TMEM132C: variants seen among roughly 807,000 people sequenced by gnomAD.
TMEM132C encodes protein phosphatase 1, regulatory subunit 152.
In TMEM132C, 29 loss-of-function variants were observed where a neutral mutation model predicts 61.4. The observed-to-expected ratio is 0.47, with a 90% CI of 0.35 to 0.64. The LOEUF is 0.64. Among genes scored for constraint, TMEM132C ranks in the 30% least tolerant of loss-of-function variants. The pLI is 0.00. For missense variants in TMEM132C, 1,408 were observed against 1,476.9 expected, an observed-to-expected ratio of 0.95 and a Z score of 0.76; for synonymous variants, 656 against 633.1, an observed-to-expected ratio of 1.04 and a Z score of -0.54.
chr12:128,616,607 G>A (rs368678286), intron 4 of TMEM132C, among the ~76,000 whole-genome samples: 8 of 152,204 alleles, frequency 5.3e-5, no homozygotes, highest in African/African-American at 9.6e-5. Context: ...TGATTTCAGT[G>A]TGCAGCCAGG....
chr12:128,420,476 G>A (rs961150362), intron 2 of TMEM132C, among the ~76,000 whole-genome samples: 5 of 152,188 alleles, frequency 3.3e-5, no homozygotes, highest in African/African-American at 9.7e-5. Flanking sequence ...AGGGGGAGGC[G>A]AGCTCAGAGG....
At chr12:128,315,449 G>A (rs1018278795) in intron 1 of TMEM132C, among the ~76,000 whole-genome samples, 33 of 152,124 alleles carry the variant, frequency 2.2e-4, no homozygotes, top group African/African-American at 5.8e-4. Flanking sequence ...GAAGAAAACC[G>A]CGCCATTTCA....
intron 5 of TMEM132C, among the ~76,000 whole-genome samples, chr12:128,688,109 C>T (rs1266983409): frequency 1.3e-5 from 2 of 152,224 alleles, no homozygotes; most frequent in East Asian, 3.9e-4. Context: ...ACTACTGGCC[C>T]CTTGCCACGG....
At chr12:128,484,055 A>G (rs917162541) in intron 2 of TMEM132C, among the ~76,000 whole-genome samples, 4 of 152,172 alleles carry the variant, frequency 2.6e-5, no homozygotes, top group African/African-American at 9.7e-5. Flanking sequence ...AGTAGCTTAG[A>G]CTGAAGAGCA....
At chr12:128,635,288 A>G (rs1173968489) in intron 4 of TMEM132C, among the ~76,000 whole-genome samples, 1 of 152,228 alleles carries the variant, frequency 6.6e-6, no homozygotes, top group Non-Finnish European at 1.5e-5. Flanking sequence ...TGCAGAAATC[A>G]CCAAAGCCGA....
intron 3 of TMEM132C, among the ~76,000 whole-genome samples, chr12:128,582,483 C>T (rs1875377471): frequency 1.3e-5 from 2 of 151,134 alleles, no homozygotes; most frequent in African/African-American, 4.9e-5. Context: ...CTCTGTGTCC[C>T]CACCCAAATC....
intron 2 of TMEM132C, among the ~76,000 whole-genome samples, chr12:128,481,044 T>C (rs1393384710): frequency 6.6e-6 from 1 of 152,152 alleles, no homozygotes; most frequent in Non-Finnish European, 1.5e-5. Context: ...GAATGTGAAC[T>C]GAAGACGCGA....
intron 4 of TMEM132C, among the ~76,000 whole-genome samples, chr12:128,652,742 G>A (rs1482078048): frequency 1.3e-5 from 2 of 152,226 alleles, no homozygotes; most frequent in Non-Finnish European, 2.9e-5. Flanking sequence ...AATAATGGCA[G>A]AGGAGTGGAT....
chr12:128,481,306 A>T (rs1871309497), intron 2 of TMEM132C, among the ~76,000 whole-genome samples: 1 of 152,220 alleles, frequency 6.6e-6, no homozygotes, highest in Admixed American at 6.5e-5. Flanking sequence ...TACGCAATGT[A>T]GAAAACAAGG....
At position 128,705,955 on chromosome 12, in the gene TMEM132C, C is replaced by G; in HGVS notation, c.2987C>G (p.Thr996Ser). The change falls in exon 9 of 9, where the codon ACC (threonine) becomes AGC (serine). Residue 996 changes from threonine to serine, a missense_variant. Physicochemically the swap from Thr to Ser is moderately conservative, Grantham distance 58. Transcript: ENST00000435159. ...CCGCCGCCCCAGGACGAGCACACCA[C>G]CATCATAGACCGCGGACCGGGGGCC... is the stretch of plus-strand genomic sequence containing the variant. ...DAPPPQDEHT[T>S]IIDRGPGACE... is the part of the protein sequence containing the mutation. 1.3e-6 allele frequency: 2 copies of G among 1,551,550 alleles called. No homozygotes were observed.
chr12:128,272,999 A>G (rs1462321251), intron 1 of TMEM132C, among the ~76,000 whole-genome samples: 1 of 152,118 alleles, frequency 6.6e-6, no homozygotes, highest in Non-Finnish European at 1.5e-5. Flanking sequence ...TAGTTTATTA[A>G]TATTTTCTTT....
At chr12:128,369,482 A>G (rs1452972155) in intron 1 of TMEM132C, among the ~76,000 whole-genome samples, 2 of 152,174 alleles carry the variant, frequency 1.3e-5, no homozygotes, top group Non-Finnish European at 2.9e-5. Context: ...TACAGGTTGC[A>G]TATCTTGTTT....
At chr12:128,642,725 C>A (rs760711750) in intron 4 of TMEM132C, among the ~76,000 whole-genome samples, 3 of 152,214 alleles carry the variant, frequency 2.0e-5, no homozygotes, top group Non-Finnish European at 4.4e-5. Flanking sequence ...ACCAATTAAA[C>A]CTCTTGTCTT....
intron 4 of TMEM132C, among the ~76,000 whole-genome samples, chr12:128,616,726 TTTCCTTAGGATG>T (rs1876813584): frequency 1.3e-5 from 2 of 152,200 alleles, no homozygotes; most frequent in African/African-American, 4.8e-5. Flanking sequence ...TCATCTCCTC[TTTCCTTAGGATG>T]ATGGAGCTCA....
intron 5 of TMEM132C, among the ~76,000 whole-genome samples, chr12:128,673,577 G>T (rs560898098): frequency 8.0e-6 from 1 of 125,486 alleles, no homozygotes; most frequent in South Asian, 3.4e-4. Context: ...TTCCAAGACT[G>T]TTCACTATAT....
chr12:128,581,285 C>G (rs1338044546), intron 3 of TMEM132C, among the ~76,000 whole-genome samples: 1 of 150,980 alleles, frequency 6.6e-6, no homozygotes, highest in Non-Finnish European at 1.5e-5. Flanking sequence ...TCCTTTTAAA[C>G]ACTAACAAAA....
chr12:128,271,340 A>G (rs1870514646), intron 1 of TMEM132C, among the ~76,000 whole-genome samples: 1 of 150,932 alleles, frequency 6.6e-6, no homozygotes, highest in South Asian at 2.1e-4. Context: ...TCATTCACAT[A>G]AAAAAATTAG....
At chr12:128,587,597 G>C (rs1327870925) in intron 3 of TMEM132C, among the ~76,000 whole-genome samples, 1 of 152,228 alleles carries the variant, frequency 6.6e-6, no homozygotes, top group East Asian at 1.9e-4. Context: ...ATGGCATTAA[G>C]CCAATCAAAT....
intron 2 of TMEM132C, among the ~76,000 whole-genome samples, chr12:128,436,072 G>T (rs1457719213): frequency 2.0e-5 from 3 of 152,120 alleles, no homozygotes; most frequent in Admixed American, 2.0e-4. Context: ...TTAATAAATG[G>T]TGCTGGGAAA....
Sources: gnomAD v4.1 joint callset for allele counts (sites outside exome capture counted in the v4.1 genomes callset) on GRCh38, gnomAD v4.1.1 for gene constraint, MANE v1.5 for transcripts, NCBI Gene and HGNC (gene_info 2026-07-23, HGNC 2026-07-21) for gene names.